Variants in RSU1 observed in about 807,000 individuals in gnomAD.
The protein encoded by RSU1 is rsu-1.
In RSU1, 26 loss-of-function variants were observed where a neutral mutation model predicts 31.1. The ratio of observed to expected loss-of-function variants is 0.84; its 90% CI spans 0.61 to 1.16. RSU1 has a LOEUF of 1.16. RSU1 is among the 50% of genes most tolerant of loss of function. The pLI is 0.00. For missense variants in RSU1, 320 were observed against 339.1 expected (o/e 0.94, Z 0.44); for synonymous variants, 164 against 136.3 (o/e 1.20, Z -1.41).
chr10:16,720,665 T>G (rs941617681), intron 7 of RSU1, among the ~76,000 whole-genome samples: 2 of 152,208 alleles, frequency 1.3e-5, no homozygotes, highest in Non-Finnish European at 1.5e-5. Flanking sequence ...AACACCCTCT[T>G]TCACACATGT....
At chr10:16,673,686 C>T (rs73603172) in intron 8 of RSU1, among the ~76,000 whole-genome samples, 6,457 of 152,220 alleles carry the variant, frequency 0.042, 294 homozygotes, top group African/African-American at 0.12. Flanking sequence ...GGATGAGCAA[C>T]GGCACAGCCT....
At chr10:16,782,147 C>A in intron 2 of RSU1, 63 bp from the exon 3 acceptor site, 1 of 1,339,438 alleles carries the variant, frequency 7.5e-7, no homozygotes, top group Middle Eastern at 2.1e-4. Context: ...CGGATTCTAC[C>A]TGTACTCCTA....
intron 8 of RSU1, among the ~76,000 whole-genome samples, chr10:16,597,607 GCAGT>G (rs902023273): frequency 3.9e-5 from 6 of 152,184 alleles, no homozygotes; most frequent in Non-Finnish European, 5.9e-5. Context: ...CCTACTGGAA[GCAGT>G]CAGCGAATGC....
At chr10:16,788,169 T>G (rs542136638) in intron 2 of RSU1, among the ~76,000 whole-genome samples, 1 of 152,290 alleles carries the variant, frequency 6.6e-6, no homozygotes, top group African/African-American at 2.4e-5. Context: ...AAGACTATGC[T>G]CAGCTTCATG....
chr10:16,651,601 G>C (rs928954963), intron 8 of RSU1, among the ~76,000 whole-genome samples: 2 of 152,164 alleles, frequency 1.3e-5, no homozygotes, highest in Non-Finnish European at 2.9e-5. Flanking sequence ...AATCGAAGAG[G>C]TGTAAATATA....
At chr10:16,814,025 T>C (rs1353915951) in intron 2 of RSU1, among the ~76,000 whole-genome samples, 1 of 152,152 alleles carries the variant, frequency 6.6e-6, no homozygotes, top group African/African-American at 2.4e-5. Flanking sequence ...AAAGTAAGAA[T>C]AATAAAGGGA....
chr10:16,691,523 A>C (rs1387111393), intron 8 of RSU1, among the ~76,000 whole-genome samples: 1 of 152,000 alleles, frequency 6.6e-6, no homozygotes, highest in African/African-American at 2.4e-5. Flanking sequence ...TGAAATACAC[A>C]AAGTAACCAA....
chr10:16,645,340 T>C (rs111537952), intron 8 of RSU1, among the ~76,000 whole-genome samples: 3 of 152,176 alleles, frequency 2.0e-5, no homozygotes, highest in African/African-American at 7.2e-5. Context: ...CAAAAGCTCA[T>C]CTTTTCCTCC....
chr10:16,771,106 G>T (rs1837417382), intron 3 of RSU1, among the ~76,000 whole-genome samples: 1 of 152,082 alleles, frequency 6.6e-6, no homozygotes, highest in African/African-American at 2.4e-5. Flanking sequence ...ATTAAAATTA[G>T]CTTGTTATTT....
intron 7 of RSU1, among the ~76,000 whole-genome samples, chr10:16,737,162 A>T (rs115707178): frequency 0.053 from 7,991 of 152,108 alleles, 612 homozygotes; most frequent in African/African-American, 0.17. Context: ...TGGGAAATCA[A>T]TCAATCAATA....
intron 8 of RSU1, among the ~76,000 whole-genome samples, chr10:16,639,522 C>A (rs3900651): frequency 0.24 from 36,376 of 152,064 alleles, 4,490 homozygotes; most frequent in South Asian, 0.41. Context: ...AAGGTAGAAA[C>A]AAATCTATGC....
intron 8 of RSU1, among the ~76,000 whole-genome samples, chr10:16,640,954 C>T (rs1786258512): frequency 6.6e-6 from 1 of 152,230 alleles, no homozygotes; most frequent in South Asian, 2.1e-4. Context: ...GGTCCTCCCA[C>T]AGCATTATTA....
At chr10:16,619,045 T>C (rs1316827106) in intron 8 of RSU1, among the ~76,000 whole-genome samples, 2 of 152,158 alleles carry the variant, frequency 1.3e-5, no homozygotes, top group Non-Finnish European at 1.5e-5. Context: ...TTATGAGGAC[T>C]GAACATCAGG....
rs182437903 is a variant in RSU1, at chr10:16,754,021, G to A, written c.400+850C>T. On this transcript the variant is annotated intron_variant, in intron 5 of 8. Coordinates refer to ENST00000345264, the MANE Select transcript of RSU1 (RefSeq NM_012425.4). ...AGTGATCTTTGTAGCTCATACTCCC[G>A]AGAACTGCATGTTAATATAACATAA... is the stretch of plus-strand genomic sequence containing the variant. Among the ~76,000 whole-genome samples, 75 of 152,158 alleles carry A rather than the reference G, an allele frequency of 4.9e-4. 1 individual carries two copies. Among genetic ancestry groups the A allele is most frequent in the African/African-American group, 1.5e-3 (64 of 41,504 alleles).
chr10:16,764,338 A>T lies in RSU1; in HGVS notation c.281+52T>A, dbSNP rs182367869. On this transcript the variant is annotated intron_variant, in intron 4 of 8. Coordinates refer to ENST00000345264, the MANE Select transcript of RSU1 (RefSeq NM_012425.4). ...AATCCCTCCCCTGGCCTTACCCGGC[A>T]TGCCCCTTCCACTCTCTTCCTCTCC... The T allele has an allele frequency of 1.2e-5, 18 of 1,537,926 alleles. No individual in the cohort carries two copies. In the East Asian group the frequency reaches 4.2e-4, roughly 36 times the overall value.
chr10:16,706,541 A>C (rs1835907709), intron 7 of RSU1, among the ~76,000 whole-genome samples: 1 of 152,136 alleles, frequency 6.6e-6, no homozygotes, highest in African/African-American at 2.4e-5. Flanking sequence ...ATTTTCTCTC[A>C]TTCCGTGGGT....
chr10:16,781,725 G>A (rs1310184338), intron 3 of RSU1, among the ~76,000 whole-genome samples: 7 of 152,192 alleles, frequency 4.6e-5, no homozygotes. Flanking sequence ...CACGGTTCAT[G>A]CCTGTAATCC....
chr10:16,761,081 C>T (rs545116709), intron 4 of RSU1, among the ~76,000 whole-genome samples: 8 of 152,122 alleles, frequency 5.3e-5, no homozygotes, highest in Non-Finnish European at 7.4e-5. Context: ...AGAGTAGCTG[C>T]GATCACAGGC....
intron 8 of RSU1, among the ~76,000 whole-genome samples, chr10:16,643,276 T>C (rs573446892): frequency 6.6e-6 from 1 of 152,244 alleles, no homozygotes; most frequent in African/African-American, 2.4e-5. Context: ...AATACCATCA[T>C]TGCCTTAAAA....
Sources: gnomAD v4.1 joint callset for allele counts (sites outside exome capture counted in the v4.1 genomes callset) on GRCh38, gnomAD v4.1.1 for gene constraint, MANE v1.5 for transcripts, NCBI Gene and HGNC (gene_info 2026-07-23, HGNC 2026-07-21) for gene names.